The following DLG1 variants were observed in gnomAD, a reference collection of about 807,000 sequenced individuals.
The protein encoded by DLG1 is discs large MAGUK scaffold protein 1, also known as disks large homolog 1.
DLG1 carries 42 observed loss-of-function variants against 123.4 expected under a neutral mutation model. That is an observed-to-expected ratio of 0.34 (90% CI 0.27 to 0.44). The LOEUF (loss-of-function observed/expected upper bound fraction) is 0.44, where lower values mean the gene tolerates loss of function less well. DLG1 is among the 20% of genes least tolerant of loss of function. DLG1 has a pLI of 1.00. For missense variants in DLG1, 942 were observed against 1,082.6 expected, an observed-to-expected ratio of 0.87 and a Z score of 1.82; for synonymous variants, 317 against 356.2, an observed-to-expected ratio of 0.89 and a Z score of 1.24.
At chr3:197,057,990 T>C (rs192060507) in intron 23 of DLG1, among the ~76,000 whole-genome samples, 1 of 152,222 alleles carries the variant, frequency 6.6e-6, no homozygotes, top group Admixed American at 6.5e-5. Flanking sequence ...TTTCTTTTTT[T>C]TTTCCTTGGG....
intron 4 of DLG1, among the ~76,000 whole-genome samples, chr3:197,232,043 C>T (rs1743429556): frequency 6.6e-6 from 1 of 152,152 alleles, no homozygotes; most frequent in Non-Finnish European, 1.5e-5. Flanking sequence ...GGAACACCAA[C>T]AAATTCATGC....
At chr3:197,231,910 G>C (rs973223466) in intron 4 of DLG1, among the ~76,000 whole-genome samples, 2 of 106,570 alleles carry the variant, frequency 1.9e-5, no homozygotes, top group Non-Finnish European at 4.2e-5. Flanking sequence ...CAGCCAATTA[G>C]AAGAAATGAA....
Position 197,110,953 on chromosome 3 carries a change from C to T in DLG1, c.1443+4974G>A, listed in dbSNP as rs79868699. Among the ~76,000 whole-genome samples the T allele has an allele frequency of 1.3e-3, 192 of 152,150 alleles. 3 individuals carry two copies. The East Asian group carries it at 0.031, about 25-fold the overall frequency. On this transcript the variant is annotated intron_variant, in intron 13 of 24. Coordinates refer to ENST00000667157, the MANE Select transcript of DLG1 (RefSeq NM_001366207.1). ...CCTTTTCTAGTCTTTCCTGAGCATG[C>T]GCACAGCCCTGAACATGTGTGTGGC...
At chr3:197,083,369 C>T (rs528282060) in intron 16 of DLG1, among the ~76,000 whole-genome samples, 9 of 152,124 alleles carry the variant, frequency 5.9e-5, no homozygotes, top group Non-Finnish European at 1.0e-4. Context: ...TTATAATAAA[C>T]ATTTCTTTAT....
At chr3:197,268,990 T>C (rs149862492) in intron 4 of DLG1, among the ~76,000 whole-genome samples, 127 of 152,222 alleles carry the variant, frequency 8.3e-4, no homozygotes, top group African/African-American at 3.0e-3. Context: ...TCAGAGGCAA[T>C]AGCATGCATG....
At chr3:197,095,762 A>G (rs763597620) in intron 14 of DLG1, among the ~76,000 whole-genome samples, 2 of 152,234 alleles carry the variant, frequency 1.3e-5, no homozygotes, top group Non-Finnish European at 2.9e-5. Flanking sequence ...TCATTTATTT[A>G]TATGAGTAAA....
intron 4 of DLG1, among the ~76,000 whole-genome samples, chr3:197,211,033 T>C (rs924967787): frequency 1.4e-5 from 2 of 144,896 alleles, no homozygotes; most frequent in Non-Finnish European, 3.1e-5. Flanking sequence ...AATAAATTAA[T>C]GTAATTCTCT....
In DLG1 at chr3:197,085,137, T is replaced by TTA. The variant is rs988612581; in HGVS notation, c.1838+441_1838+442dup. ...AACTTAATGATTTTATATATATATA[T>TTA]TATATATATACATACTGTGAAATAA... On this transcript the variant is annotated intron_variant, in intron 16 of 24. Coordinates refer to ENST00000667157, the MANE Select transcript of DLG1 (RefSeq NM_001366207.1). Among the ~76,000 whole-genome samples the TTA allele has an allele frequency of 5.3e-5, 8 of 151,106 alleles. No homozygotes were observed. The East Asian group carries it at 1.4e-3, about 26-fold the overall frequency.
intron 10 of DLG1, among the ~76,000 whole-genome samples, chr3:197,130,899 C>G (rs192099351): frequency 6.6e-6 from 1 of 152,304 alleles, no homozygotes; most frequent in East Asian, 1.9e-4. Flanking sequence ...AGTCTCCATA[C>G]CTCCTATTCT....
intron 3 of DLG1, among the ~76,000 whole-genome samples, chr3:197,295,392 T>C (rs1776919574): frequency 6.6e-6 from 1 of 152,134 alleles, no homozygotes; most frequent in African/African-American, 2.4e-5. Flanking sequence ...TGTAAGGCCA[T>C]ATCTGACTGG....
chr3:197,098,422 A>G (rs1363082280), intron 14 of DLG1, among the ~76,000 whole-genome samples: 2 of 152,244 alleles, frequency 1.3e-5, no homozygotes, highest in African/African-American at 4.8e-5. Flanking sequence ...CAGTTAACAT[A>G]GTCTCAGATA....
chr3:197,227,591 G>T (rs1013544858), intron 4 of DLG1, among the ~76,000 whole-genome samples: 1 of 152,176 alleles, frequency 6.6e-6, no homozygotes, highest in African/African-American at 2.4e-5. Context: ...AAGCAAAGCT[G>T]TTTGTGGAAA....
At chr3:197,051,473 C>T (rs771179947) in intron 24 of DLG1, 104 bp downstream of exon 24, 11 of 827,514 alleles carry the variant, frequency 1.3e-5, no homozygotes, top group African/African-American at 3.4e-5. Flanking sequence ...CTAGTTACTA[C>T]GGGTAGATGT....
intron 5 of DLG1, among the ~76,000 whole-genome samples, chr3:197,194,089 T>C (rs1010077073): frequency 2.0e-5 from 3 of 152,194 alleles, no homozygotes; most frequent in Admixed American, 6.5e-5. Context: ...TCCAAAGTGC[T>C]GGAAATGCAC....
intron 13 of DLG1, 95 bp downstream of exon 13, chr3:197,115,832 C>T: frequency 8.4e-7 from 1 of 1,192,652 alleles, no homozygotes; most frequent in Admixed American, 2.3e-5. Context: ...CCAAGATATC[C>T]CCATTACTTT....
intron 6 of DLG1, among the ~76,000 whole-genome samples, chr3:197,144,776 C>G (rs1789846155): frequency 6.6e-6 from 1 of 152,114 alleles, no homozygotes; most frequent in African/African-American, 2.4e-5. Flanking sequence ...CCTCTTCTTT[C>G]TCATCTATAG....
intron 18 of DLG1, among the ~76,000 whole-genome samples, chr3:197,071,689 T>C (rs1305642285): frequency 6.6e-6 from 1 of 152,170 alleles, no homozygotes; most frequent in Non-Finnish European, 1.5e-5. Context: ...TATAGAAAAG[T>C]GTTCAAGTTA....
rs1254187522 is a variant in DLG1 at position 197,283,935 on chromosome 3, CACGGCA to C, written c.152-1096_152-1091del. 2.1e-5 allele frequency among the ~76,000 whole-genome samples: 3 copies of C among 144,904 alleles called. No homozygotes were observed. The East Asian group carries it at 6.3e-4, about 31-fold the overall frequency. The stretch of plus-strand genomic sequence containing the variant: ...GGAGTGCAGTGGTATGATCTTGGCT[CACGGCA>C]ACCTCCACCTCCTGGGTTCATGCGA... On this transcript the variant is annotated intron_variant, in intron 3 of 24. Transcript: ENST00000667157.
In DLG1 at chr3:197,243,989, C is replaced by T. The variant is rs142748804; in HGVS notation, c.318+38690G>A. 2.4e-3 allele frequency among the ~76,000 whole-genome samples: 365 copies of T among 152,286 alleles called. 1 individual carries two copies. The highest frequency in any genetic ancestry group is 5.0e-3 in the Admixed American group (76 of 15,296). Reference sequence around the variant, plus strand: ...TCCAATTGGATCAGAGTGCAAGTGCCGCTCCAGTTACTTGGCAGAGTATCC... The same window carrying T: ...TCCAATTGGATCAGAGTGCAAGTGCTGCTCCAGTTACTTGGCAGAGTATCC... On this transcript the variant is annotated intron_variant, in intron 4 of 24. Coordinates refer to ENST00000667157, the MANE Select transcript of DLG1 (RefSeq NM_001366207.1).
Sources: gnomAD v4.1 joint callset for allele counts (sites outside exome capture counted in the v4.1 genomes callset) on GRCh38, gnomAD v4.1.1 for gene constraint, MANE v1.5 for transcripts, NCBI Gene and HGNC (gene_info 2026-07-23, HGNC 2026-07-21) for gene names.